Variants in LIG1 observed in about 807,000 individuals in gnomAD.
The protein encoded by LIG1 is ligase I, DNA, ATP-dependent.
Under a neutral mutation model 115.7 loss-of-function variants are expected in LIG1, and 70 were observed. The observed-to-expected ratio is 0.60, with a 90% CI of 0.50 to 0.74. The LOEUF is 0.74. Ranked by LOEUF, LIG1 falls within the 30% of genes least tolerant of loss-of-function variation. The pLI is 0.00. For synonymous variants in LIG1, 487 were observed against 495.3 expected, an observed-to-expected ratio of 0.98 and a Z score of 0.22; for missense variants, 1,115 against 1,225.6, an observed-to-expected ratio of 0.91 and a Z score of 1.35.
chr19:48,139,675 T>G (rs1354687424), intron 12 of LIG1, among the ~76,000 whole-genome samples: 1 of 151,884 alleles, frequency 6.6e-6, no homozygotes, highest in African/African-American at 2.4e-5. Context: ...ACCTTCCATC[T>G]CAGCCCCCAA....
At chr19:48,166,158 A>G (rs1270820612) in intron 1 of LIG1, among the ~76,000 whole-genome samples, 1 of 152,236 alleles carries the variant, frequency 6.6e-6, no homozygotes, top group Non-Finnish European at 1.5e-5. Context: ...GCACTTTGGG[A>G]GGCCGAGGTG....
chr19:48,155,485 ATCTTC>A (rs1302443810), intron 5 of LIG1, among the ~76,000 whole-genome samples: 3 of 151,714 alleles, frequency 2.0e-5, no homozygotes, highest in African/African-American at 7.3e-5. Context: ...ACCCCAACCC[ATCTTC>A]TAAGACTCGG....
chr19:48,132,951 C>T, intron 18 of LIG1, 31 bp downstream of exon 18: 1 of 1,493,464 alleles, frequency 6.7e-7, no homozygotes, highest in South Asian at 1.1e-5. Context: ...GTTTTCCTGT[C>T]TGTGGAAGGG....
chr19:48,135,891 G>GCGGGCC, intron 15 of LIG1, 112 bp from the exon 16 acceptor site: 16 of 928,622 alleles, frequency 1.7e-5, no homozygotes, highest in Non-Finnish European at 2.2e-5. Context: ...GGCCCAAGAC[G>GCGGGCC]CCCCCTCCCC....
intron 16 of LIG1, among the ~76,000 whole-genome samples, chr19:48,134,522 G>A (rs2122585629): frequency 6.6e-6 from 1 of 152,320 alleles, no homozygotes; most frequent in East Asian, 1.9e-4. Context: ...GCTGGGGGTG[G>A]TGGCACGCGC....
At chr19:48,119,284 C>T in intron 24 of LIG1, 94 bp from the exon 25 acceptor site, 1 of 1,007,788 alleles carries the variant, frequency 9.9e-7, no homozygotes, top group Non-Finnish European at 1.5e-6. Flanking sequence ...ATGGCCCCCA[C>T]CCCACTCTGG....
At chr19:48,139,918 T>A (rs2034630955) in intron 12 of LIG1, 53 bp downstream of exon 12, 1 of 1,599,738 alleles carries the variant, frequency 6.3e-7, no homozygotes, top group African/African-American at 1.3e-5. Flanking sequence ...CCTCTGCATT[T>A]TCTCTGGCTG....
At chr19:48,133,958 G>A in intron 17 of LIG1, 23 bp downstream of exon 17, 2 of 1,547,420 alleles carry the variant, frequency 1.3e-6, no homozygotes, top group South Asian at 1.2e-5. Flanking sequence ...TGCCAGGCTG[G>A]TGAGCGCCCC....
At chr19:48,138,521 G>A (rs2034542319) in intron 12 of LIG1, among the ~76,000 whole-genome samples, 1 of 152,204 alleles carries the variant, frequency 6.6e-6, no homozygotes, top group Non-Finnish European at 1.5e-5. Context: ...CCGACAGTGT[G>A]AGCCTCACCA....
At chr19:48,140,191 G>C in intron 11 of LIG1, 48 bp from the exon 12 acceptor site, 1 of 1,512,552 alleles carries the variant, frequency 6.6e-7, no homozygotes. Flanking sequence ...CAAGGTCAAA[G>C]TGTGGTGTCG....
At chr19:48,127,585 T>C (rs1048573929) in intron 20 of LIG1, 4 of 610,760 alleles carry the variant, frequency 6.5e-6, no homozygotes, top group Non-Finnish European at 1.2e-5. Context: ...CTGCAGCTAA[T>C]GGCAGTGACA....
chr19:48,143,286 C>T (rs552440461), intron 11 of LIG1, among the ~76,000 whole-genome samples: 1 of 152,174 alleles, frequency 6.6e-6, no homozygotes. Context: ...CCAGTCATCC[C>T]GAGATGGAGC....
chr19:48,124,188 C>T (rs2033503749), intron 21 of LIG1, among the ~76,000 whole-genome samples: 1 of 152,182 alleles, frequency 6.6e-6, no homozygotes, highest in South Asian at 2.1e-4. Context: ...ACTTGCCCTC[C>T]AGGGGGACAT....
intron 1 of LIG1, among the ~76,000 whole-genome samples, chr19:48,166,140 T>C (rs2123081547): frequency 6.6e-6 from 1 of 151,778 alleles, no homozygotes; most frequent in South Asian, 2.1e-4. Context: ...CTCACGCCTG[T>C]CATCCCAGCA....
At chr19:48,147,715 CTGATT>C (rs1471338843) in intron 9 of LIG1, among the ~76,000 whole-genome samples, 2 of 151,926 alleles carry the variant, frequency 1.3e-5, no homozygotes, top group African/African-American at 4.8e-5. Context: ...GAATTTTTGT[CTGATT>C]TGTTTCCTAC....
chr19:48,160,385 C>T (rs1053147746), intron 4 of LIG1, among the ~76,000 whole-genome samples: 1 of 152,044 alleles, frequency 6.6e-6, no homozygotes, highest in East Asian at 1.9e-4. Context: ...TGGAAGTGCA[C>T]CTGGTGGGTG....
At chr19:48,150,844 C>T (rs1599841087) in intron 7 of LIG1, among the ~76,000 whole-genome samples, 1 of 151,946 alleles carries the variant, frequency 6.6e-6, no homozygotes, top group African/African-American at 2.4e-5. Flanking sequence ...ACTACAGGTA[C>T]GTGCCACCAC....
intron 4 of LIG1, among the ~76,000 whole-genome samples, chr19:48,157,369 A>G (rs941223038): frequency 6.6e-6 from 1 of 151,982 alleles, no homozygotes; most frequent in Non-Finnish European, 1.5e-5. Context: ...TTTCTACAGT[A>G]ACAGAATCTT....
intron 9 of LIG1, chr19:48,145,864 G>C (rs2035078782): frequency 6.6e-6 from 1 of 152,268 alleles, no homozygotes; most frequent in South Asian, 2.1e-4. Flanking sequence ...ACACAGAAAG[G>C]CTAAGTCACT....
Sources: gnomAD v4.1 joint callset for allele counts (sites outside exome capture counted in the v4.1 genomes callset) on GRCh38, gnomAD v4.1.1 for gene constraint, MANE v1.5 for transcripts, NCBI Gene and HGNC (gene_info 2026-07-23, HGNC 2026-07-21) for gene names.